The following CLVS1 variants were observed in gnomAD, a reference collection of about 807,000 sequenced individuals.
CLVS1 encodes the protein clavesin 1, also known as clavesin-1.
A neutral mutation model predicts 33.1 loss-of-function variants in CLVS1; 10 were observed. The observed-to-expected ratio is 0.30, with a 90% CI of 0.19 to 0.51. The LOEUF is 0.51. Ranked by LOEUF, CLVS1 falls within the 20% of genes least tolerant of loss-of-function variation. CLVS1 has a pLI of 0.97. For synonymous variants in CLVS1, 163 were observed against 166.1 expected (o/e 0.98, Z 0.14); for missense variants, 343 against 433.4 (o/e 0.79, Z 1.85).
chr8:61,297,420 T>C (rs1474879061), intron 1 of CLVS1, among the ~76,000 whole-genome samples: 1 of 152,080 alleles, frequency 6.6e-6, no homozygotes, highest in Non-Finnish European at 1.5e-5. Context: ...AAAAATATTA[T>C]GGAAGTGATT....
chr8:61,093,945 A>G (rs1056019470), intron 1 of CLVS1, among the ~76,000 whole-genome samples: 3 of 152,104 alleles, frequency 2.0e-5, no homozygotes, highest in African/African-American at 7.2e-5. Context: ...TGAATTTAAA[A>G]CTTCATCCCA....
chr8:61,063,328 G>T lies in CLVS1; in HGVS notation c.-243+6098G>T, dbSNP rs537193820. On this transcript the variant is annotated intron_variant, in intron 1 of 2. Transcript: ENST00000522621. ...GAGAGAGAACAGTCATTTTCCTGGT[G>T]GGGGGTGAGGGGTGAAATGGCTGTT... Among the ~76,000 whole-genome samples, 33 of 146,438 alleles carry T rather than the reference G, an allele frequency of 2.3e-4. No individual in the cohort carries two copies. The South Asian group carries it at 6.7e-3, about 30-fold the overall frequency.
chr8:61,387,642 C>T (rs1434935567), intron 3 of CLVS1, among the ~76,000 whole-genome samples: 1 of 151,990 alleles, frequency 6.6e-6, no homozygotes, highest in African/African-American at 2.4e-5. Flanking sequence ...CCTAAACTTC[C>T]CTCTGAGTCC....
chr8:61,497,871 G>T (rs1295082675), intron 5 of CLVS1, among the ~76,000 whole-genome samples: 1 of 152,138 alleles, frequency 6.6e-6, no homozygotes, highest in African/African-American at 2.4e-5. Context: ...GACCATATAG[G>T]TTAACTTCCT....
intron 3 of CLVS1, among the ~76,000 whole-genome samples, chr8:61,378,800 T>G (rs1813751626): frequency 2.0e-5 from 3 of 152,226 alleles, no homozygotes; most frequent in Non-Finnish European, 4.4e-5. Flanking sequence ...TCTCTGGTTT[T>G]GGGATATTCA....
chr8:61,490,261 T>C (rs1804022854), intron 5 of CLVS1, among the ~76,000 whole-genome samples: 1 of 149,670 alleles, frequency 6.7e-6, no homozygotes, highest in African/African-American at 2.5e-5. Context: ...AGGCAGAGGT[T>C]GCAGTGAGCC....
rs148088910 is a variant in CLVS1, at chr8:61,315,258, C to T, written c.455+14976C>T. Among the ~76,000 whole-genome samples, 57 of 152,262 alleles carry T rather than the reference C, an allele frequency of 3.7e-4. No homozygotes were observed. The East Asian group carries it at 0.011, about 29-fold the overall frequency. On this transcript the variant is annotated intron_variant, in intron 2 of 5. Coordinates refer to ENST00000325897, the MANE Select transcript of CLVS1 (RefSeq NM_173519.3). ...AAGTGGTGTCAGTCCTTTGTATTTT[C>T]ATTTTTAGACTTTTTGAGCTATTAA...
chr8:61,010,801 C>A, the CLVS1 span, among the ~76,000 whole-genome samples: 26 of 152,364 alleles, frequency 1.7e-4, no homozygotes, highest in East Asian at 5.0e-3. Flanking sequence ...CTGGCACAAT[C>A]CTCTCAGGTT....
chr8:61,002,064 C>T, the CLVS1 span, among the ~76,000 whole-genome samples: 11 of 151,894 alleles, frequency 7.2e-5, no homozygotes, highest in South Asian at 2.1e-4. Context: ...CTGCAGCCTC[C>T]GCCTCTCAGG....
At chr8:61,048,663 C>T in the CLVS1 span, among the ~76,000 whole-genome samples, 1 of 152,104 alleles carries the variant, frequency 6.6e-6, no homozygotes, top group African/African-American at 2.4e-5. Context: ...AAGGCAGGAC[C>T]TTTTGCATCA....
intron 1 of CLVS1, among the ~76,000 whole-genome samples, chr8:61,068,661 T>A (rs1353756243): frequency 6.6e-6 from 1 of 152,084 alleles, no homozygotes; most frequent in Non-Finnish European, 1.5e-5. Flanking sequence ...AATTTCCCAG[T>A]CTTCTACAAT....
chr8:61,186,615 A>G (rs1193739876), intron 2 of CLVS1, among the ~76,000 whole-genome samples: 7 of 151,766 alleles, frequency 4.6e-5, no homozygotes, highest in Admixed American at 3.9e-4. Context: ...ACAATGAAGA[A>G]TGGGCACTAT....
At chr8:61,135,706 T>C (rs1443393080) in intron 2 of CLVS1, among the ~76,000 whole-genome samples, 2 of 152,234 alleles carry the variant, frequency 1.3e-5, no homozygotes, top group African/African-American at 4.8e-5. Flanking sequence ...TGGCTTTCTG[T>C]CACTTGAGCC....
chr8:61,189,075 A>G (rs900985003), intron 2 of CLVS1, among the ~76,000 whole-genome samples: 2 of 152,158 alleles, frequency 1.3e-5, no homozygotes, highest in African/African-American at 4.8e-5. Flanking sequence ...TAACTGTCAG[A>G]TTCACCAAAG....
chr8:61,482,705 G>T (rs1164565029), intron 5 of CLVS1, among the ~76,000 whole-genome samples: 2 of 152,110 alleles, frequency 1.3e-5, no homozygotes, highest in Non-Finnish European at 2.9e-5. Flanking sequence ...ATGGGACTAT[G>T]TGAAAAGACC....
chr8:61,004,926 T>C, the CLVS1 span, among the ~76,000 whole-genome samples: 6 of 151,730 alleles, frequency 4.0e-5, no homozygotes, highest in African/African-American at 1.2e-4. Context: ...TGTTTTTTGT[T>C]TGTTTGTTTT....
rs1563585983 is a variant in CLVS1 at position 61,500,232 on chromosome 8, G to GATT, written c.*694_*696dup. The GATT allele has an allele frequency of 6.6e-6, 1 of 152,280 alleles. No individual in the cohort carries two copies. Among genetic ancestry groups the GATT allele is most frequent in the Non-Finnish European group, 1.5e-5 (1 of 68,038 alleles). 9.4% of individuals were successfully genotyped at this position (152,280 alleles called of 1,614,324 possible). A position where few individuals can be genotyped will look rare whatever the true frequency, so the allele number is the denominator to read the frequency against. Reference sequence around the variant, plus strand: ...AGGAAGACACATGGACGTGAAATACGATTATTTCATCTGAGCAATGTGAGT... The same window carrying GATT: ...AGGAAGACACATGGACGTGAAATACGATTATTATTTCATCTGAGCAATGTGAGT... On this transcript the variant is annotated 3_prime_UTR_variant, in exon 6 of 6. Transcript: ENST00000325897.
chr8:61,226,333 G>A (rs1808328979), intron 2 of CLVS1, among the ~76,000 whole-genome samples: 1 of 152,198 alleles, frequency 6.6e-6, no homozygotes, highest in Non-Finnish European at 1.5e-5. Context: ...AGGAAAGTCA[G>A]CCCACAATTT....
chr8:61,440,667 C>T (rs1239226396), intron 3 of CLVS1, among the ~76,000 whole-genome samples: 1 of 152,150 alleles, frequency 6.6e-6, no homozygotes, highest in African/African-American at 2.4e-5. Flanking sequence ...GCCAGTTTTG[C>T]TTAATATGGT....
Sources: gnomAD v4.1 joint callset for allele counts (sites outside exome capture counted in the v4.1 genomes callset) on GRCh38, gnomAD v4.1.1 for gene constraint, MANE v1.5 for transcripts, NCBI Gene and HGNC (gene_info 2026-07-23, HGNC 2026-07-21) for gene names.